Variants in NT5M observed in about 807,000 individuals in gnomAD.
The protein encoded by NT5M is 5',3'-nucleotidase, mitochondrial, also known as 5'(3')-deoxyribonucleotidase, mitochondrial.
NT5M carries 22 observed loss-of-function variants against 22.2 expected under a neutral mutation model. That is an observed-to-expected ratio of 0.99 (90% CI 0.71 to 1.41). The LOEUF (loss-of-function observed/expected upper bound fraction) is 1.41. NT5M is among the 40% of genes most tolerant of loss of function. The probability of loss-of-function intolerance (pLI) is 0.00; values close to 1 mark genes in which losing one functional copy is unlikely to be tolerated. For synonymous variants in NT5M, 167 were observed against 133.0 expected (o/e 1.26, Z -1.76); for missense variants, 322 against 314.8 (o/e 1.02, Z -0.17).
At chr17:17,343,056 C>G (rs536008428) in intron 3 of NT5M, among the ~76,000 whole-genome samples, 2 of 152,206 alleles carry the variant, frequency 1.3e-5, no homozygotes, top group African/African-American at 2.4e-5. Flanking sequence ...CTCTTGCCCC[C>G]CATCCAGCCT....
chr17:17,334,616 C>T (rs1482121440), intron 3 of NT5M, among the ~76,000 whole-genome samples: 1 of 151,384 alleles, frequency 6.6e-6, no homozygotes, highest in Non-Finnish European at 1.5e-5. Context: ...GCTGGGATTA[C>T]AGGCACGCGC....
chr17:17,330,217 G>A (rs1192851735), intron 3 of NT5M, among the ~76,000 whole-genome samples: 7 of 149,940 alleles, frequency 4.7e-5, no homozygotes, highest in Admixed American at 1.3e-4. Context: ...GGAGAATGGC[G>A]TGAACCCGTG....
rs532132904 is a variant in NT5M at position 17,344,862 on chromosome 17, C to T, written c.498C>T (p.Thr166=). ...LEQIVLTRDK[T]VVSADLLIDD... is the part of the protein sequence containing the mutation. ...AGATTGTGCTGACCAGAGACAAGAC[C>T]GTGGTCTCTGCTGACCTTCTCATAG... The change falls in exon 4 of 5, where the codon ACC becomes ACT. Residue 166 remains threonine (T), a synonymous_variant. Transcript: ENST00000389022. 81 of 1,614,170 alleles carry T rather than the reference C, an allele frequency of 5.0e-5. No homozygotes were observed. In the South Asian group the frequency reaches 7.8e-4, roughly 16 times the overall value.
chr17:17,315,894 G>A (rs1455457695), intron 2 of NT5M, among the ~76,000 whole-genome samples: 1 of 151,742 alleles, frequency 6.6e-6, no homozygotes, highest in African/African-American at 2.4e-5. Context: ...TGGGACTACA[G>A]GCATCTGCCA....
chr17:17,332,686 G>C (rs1242044505), intron 3 of NT5M, among the ~76,000 whole-genome samples: 1 of 152,164 alleles, frequency 6.6e-6, no homozygotes, highest in Non-Finnish European at 1.5e-5. Context: ...AACAGCTGCT[G>C]ATAAACCTAA....
At chr17:17,330,694 TTTAAC>T (rs2049360939) in intron 3 of NT5M, among the ~76,000 whole-genome samples, 1 of 151,874 alleles carries the variant, frequency 6.6e-6, no homozygotes, top group Non-Finnish European at 1.5e-5. Flanking sequence ...CCATTTTTTT[TTTAAC>T]TTAAGATAAT....
Position 17,323,172 on chromosome 17 carries a change from C to G in NT5M, c.369-13C>G. The G allele has an allele frequency of 6.2e-7, 1 of 1,613,298 alleles. No homozygotes were observed. Among genetic ancestry groups the G allele is most frequent in the Middle Eastern group, 1.7e-4 (1 of 6,056 alleles). ...TGGGGCTGCAGGCTCAACCTCCTTT[C>G]TCTTGTTGACAGCACTGACGTCTTC... is the stretch of plus-strand genomic sequence containing the variant. On this transcript the variant is annotated splice_polypyrimidine_tract_variant and intron_variant, in intron 2 of 4. Coordinates refer to ENST00000389022, the MANE Select transcript of NT5M (RefSeq NM_020201.4).
At chr17:17,319,767 A>G (rs9904396) in intron 2 of NT5M, among the ~76,000 whole-genome samples, 93,730 of 152,114 alleles carry the variant, frequency 0.62, 30,272 homozygotes, top group East Asian at 0.79. Flanking sequence ...AGAACCTTTG[A>G]GGGTGGCAGG....
intron 2 of NT5M, among the ~76,000 whole-genome samples, chr17:17,316,804 C>T (rs2049038766): frequency 6.6e-6 from 1 of 151,528 alleles, no homozygotes; most frequent in African/African-American, 2.4e-5. Context: ...CAACCTCTGC[C>T]TCCCGGGTTA....
intron 2 of NT5M, among the ~76,000 whole-genome samples, chr17:17,316,642 C>CT (rs2049033806): frequency 6.6e-6 from 1 of 152,120 alleles, no homozygotes; most frequent in Non-Finnish European, 1.5e-5. Context: ...TCCCGAAGTG[C>CT]TGGGATTACA....
chr17:17,339,507 T>C (rs1346653677), intron 3 of NT5M, among the ~76,000 whole-genome samples: 1 of 152,242 alleles, frequency 6.6e-6, no homozygotes, highest in Non-Finnish European at 1.5e-5. Context: ...TCCAGTACTA[T>C]GTTGAATCAC....
chr17:17,330,725 GCTTT>G (rs973492927), intron 3 of NT5M, among the ~76,000 whole-genome samples: 30 of 140,392 alleles, frequency 2.1e-4, no homozygotes, highest in East Asian at 6.1e-4. Context: ...ACATTTCTTT[GCTTT>G]CTTTCTTTCT....
chr17:17,331,696 G>C (rs1354178161), intron 3 of NT5M, among the ~76,000 whole-genome samples: 1 of 151,320 alleles, frequency 6.6e-6, no homozygotes. Flanking sequence ...CCAGACCATC[G>C]TGCCTGGTCA....
rs151016181 is a variant in NT5M, at chr17:17,315,840, C to T, written c.369-7345C>T. On this transcript the variant is annotated intron_variant, in intron 2 of 4. Transcript: ENST00000389022. ...TGTGATCCCAGCTCACTGCAAGCTC[C>T]GCCTCCCGGGTTCATGCTGTTCTGC... 5.6e-3 allele frequency among the ~76,000 whole-genome samples: 840 copies of T among 149,974 alleles called. 3 individuals carry two copies. Among genetic ancestry groups the T allele is most frequent in the Non-Finnish European group, 9.0e-3 (608 of 67,606 alleles).
At chr17:17,318,528 G>A (rs1426155805) in intron 2 of NT5M, among the ~76,000 whole-genome samples, 1 of 148,102 alleles carries the variant, frequency 6.8e-6, no homozygotes, top group African/African-American at 2.5e-5. Context: ...GCTCAAGTGT[G>A]TAATCCCAGC....
At chr17:17,309,255 C>T (rs902352511) in intron 2 of NT5M, among the ~76,000 whole-genome samples, 1 of 151,532 alleles carries the variant, frequency 6.6e-6, no homozygotes, top group Non-Finnish European at 1.5e-5. Flanking sequence ...CCTCTAGAGT[C>T]GCTGTGACCA....
intron 3 of NT5M, among the ~76,000 whole-genome samples, chr17:17,342,709 G>A (rs1360901147): frequency 6.6e-6 from 1 of 152,222 alleles, no homozygotes; most frequent in African/African-American, 2.4e-5. Context: ...TTGCCGACCT[G>A]TGGAGAGCCA....
intron 2 of NT5M, among the ~76,000 whole-genome samples, chr17:17,314,073 G>A (rs139987580): frequency 2.7e-5 from 4 of 148,250 alleles, no homozygotes; most frequent in African/African-American, 5.1e-5. Context: ...TTGCTCTGTC[G>A]TCCAGGCTGG....
chr17:17,341,252 TG>T (rs1415293234), intron 3 of NT5M, among the ~76,000 whole-genome samples: 2 of 152,210 alleles, frequency 1.3e-5, no homozygotes. Flanking sequence ...TTTGGGGCTA[TG>T]AAAGTCTAGT....
Sources: allele counts gnomAD v4.1 joint callset (sites outside exome capture counted in the v4.1 genomes callset), GRCh38; gene constraint gnomAD v4.1.1; transcripts MANE v1.5; gene names NCBI Gene and HGNC (gene_info 2026-07-23, HGNC 2026-07-21).